The following CLSTN1 variants were observed in gnomAD, a reference collection of about 807,000 sequenced individuals.
The protein encoded by CLSTN1 is calsyntenin 1, also known as calsyntenin-1.
CLSTN1 carries 28 observed loss-of-function variants against 108.3 expected under a neutral mutation model. That is an observed-to-expected ratio of 0.26 (90% CI 0.19 to 0.35). The LOEUF is 0.35. CLSTN1 is among the 10% of genes least tolerant of loss of function. CLSTN1 has a pLI of 1.00. For missense variants in CLSTN1, 1,157 were observed against 1,302.6 expected (o/e 0.89, Z 1.72); for synonymous variants, 524 against 534.9 (o/e 0.98, Z 0.28).
At chr1:9,766,896 G>A (rs1652363795) in intron 2 of CLSTN1, among the ~76,000 whole-genome samples, 2 of 152,204 alleles carry the variant, frequency 1.3e-5, no homozygotes, top group South Asian at 2.1e-4. Context: ...GAGCTTCAAT[G>A]ACTAAGCTCC....
intron 1 of CLSTN1, among the ~76,000 whole-genome samples, chr1:9,812,364 G>A (rs568616774): frequency 7.2e-5 from 11 of 152,292 alleles, no homozygotes; most frequent in Admixed American, 4.6e-4. Flanking sequence ...TTCCCAAGGG[G>A]AAGGAGGAGC....
chr1:9,788,632 C>T (rs922996332), intron 1 of CLSTN1, among the ~76,000 whole-genome samples: 2 of 151,048 alleles, frequency 1.3e-5, no homozygotes, highest in Non-Finnish European at 2.9e-5. Flanking sequence ...CTTTGGGAGG[C>T]CGAGGCAGGC....
In CLSTN1 at chr1:9,731,213, G is replaced by A. The variant is rs1650368134; in HGVS notation, c.2741C>T (p.Pro914Leu). 1 of 1,614,108 alleles carries A rather than the reference G, an allele frequency of 6.2e-7. No individual in the cohort carries two copies. The highest frequency in any genetic ancestry group is 1.3e-5 in the African/African-American group (1 of 74,954). ...DDSALTITVN[P>L]METYEDQHSS... Reference sequence around the variant, plus strand: ...TCGCCCGCCCACTCCTACCTCCATGGGGTTGACGGTGATGGTCAGGGCAGA... The same window carrying A: ...TCGCCCGCCCACTCCTACCTCCATGAGGTTGACGGTGATGGTCAGGGCAGA... The change falls in exon 18 of 19, where the codon CCC (proline) becomes CTC (leucine). Residue 914 changes from proline to leucine, a missense_variant. Physicochemically the swap from Pro to Leu is moderately conservative, Grantham distance 98. Coordinates refer to ENST00000377298, the MANE Select transcript of CLSTN1 (RefSeq NM_001009566.3).
intron 1 of CLSTN1, among the ~76,000 whole-genome samples, chr1:9,816,188 G>T (rs556121605): frequency 6.6e-6 from 1 of 152,076 alleles, no homozygotes; most frequent in South Asian, 2.1e-4. Flanking sequence ...GAAAAGAAAC[G>T]AAGTCCTGAT....
chr1:9,772,993 C>T (rs568701801), intron 2 of CLSTN1, among the ~76,000 whole-genome samples: 1 of 152,170 alleles, frequency 6.6e-6, no homozygotes, highest in Non-Finnish European at 1.5e-5. Context: ...ACCCTAGAGC[C>T]AGGGATGCAC....
intron 1 of CLSTN1, among the ~76,000 whole-genome samples, chr1:9,786,012 CA>C (rs764875685): frequency 4.6e-5 from 7 of 151,710 alleles, no homozygotes; most frequent in African/African-American, 1.7e-4. Flanking sequence ...CCTGTCTCTA[CA>C]AAAAATAGGA....
intron 2 of CLSTN1, among the ~76,000 whole-genome samples, chr1:9,762,740 T>G (rs1652142883): frequency 6.7e-6 from 1 of 149,922 alleles, no homozygotes; most frequent in Non-Finnish European, 1.5e-5. Flanking sequence ...AACGGCTGGG[T>G]GTCCGGGCTG....
chr1:9,737,717 T>C (rs1287851803), intron 10 of CLSTN1, among the ~76,000 whole-genome samples, 163 bp from the exon 11 acceptor site: 1 of 152,168 alleles, frequency 6.6e-6, no homozygotes, highest in Non-Finnish European at 1.5e-5. Flanking sequence ...AAGCTTGTAT[T>C]TAATCACCTT....
At chr1:9,735,395 G>C (rs1017143229) in intron 13 of CLSTN1, 72 bp downstream of exon 13, 1 of 1,594,084 alleles carries the variant, frequency 6.3e-7, no homozygotes, top group African/African-American at 1.3e-5. Flanking sequence ...GAAGGGGTTA[G>C]GCTGTCTTAA....
intron 4 of CLSTN1, among the ~76,000 whole-genome samples, chr1:9,754,449 C>T (rs564390561): frequency 1.1e-3 from 173 of 152,018 alleles, no homozygotes; most frequent in Non-Finnish European, 1.9e-3. Flanking sequence ...ATCCCAGCTA[C>T]TCGGGAGGCT....
intron 2 of CLSTN1, among the ~76,000 whole-genome samples, chr1:9,757,557 C>A (rs1478789264): frequency 6.6e-6 from 1 of 152,106 alleles, no homozygotes; most frequent in African/African-American, 2.4e-5. Flanking sequence ...AAGGTTTTAA[C>A]CCTTTGTTCT....
At chr1:9,782,455 A>C (rs1268273126) in intron 1 of CLSTN1, among the ~76,000 whole-genome samples, 5 of 152,208 alleles carry the variant, frequency 3.3e-5, no homozygotes, top group South Asian at 2.1e-4. Flanking sequence ...TCAAAAAAAA[A>C]CTAAACTTTG....
chr1:9,792,496 A>G (rs572246233), intron 1 of CLSTN1, among the ~76,000 whole-genome samples: 1 of 151,450 alleles, frequency 6.6e-6, no homozygotes, highest in South Asian at 2.2e-4. Context: ...CTCTTAAAAC[A>G]CTTAGGAAAT....
At chr1:9,822,064 C>T (rs1325375927) in intron 1 of CLSTN1, among the ~76,000 whole-genome samples, 5 of 152,222 alleles carry the variant, frequency 3.3e-5, no homozygotes, top group African/African-American at 1.2e-4. Flanking sequence ...AATGGTATCA[C>T]TGACTAAATA....
chr1:9,780,147 A>G (rs1653172691), intron 1 of CLSTN1, among the ~76,000 whole-genome samples: 1 of 152,224 alleles, frequency 6.6e-6, no homozygotes, highest in South Asian at 2.1e-4. Flanking sequence ...GAGCCACGGC[A>G]TCCGGCCTCC....
intron 1 of CLSTN1, among the ~76,000 whole-genome samples, chr1:9,800,231 A>G: frequency 6.6e-6 from 1 of 152,120 alleles, no homozygotes. Flanking sequence ...AAAAACTGAA[A>G]CAAAAATCAA....
intron 1 of CLSTN1, among the ~76,000 whole-genome samples, chr1:9,807,406 T>C (rs1398146214): frequency 6.6e-6 from 1 of 152,206 alleles, no homozygotes; most frequent in Non-Finnish European, 1.5e-5. Context: ...TGATACATGA[T>C]ACATCCCACT....
intron 5 of CLSTN1, among the ~76,000 whole-genome samples, chr1:9,751,185 A>G (rs1173058598): frequency 1.3e-5 from 2 of 152,220 alleles, no homozygotes; most frequent in Admixed American, 6.5e-5. Context: ...AGATTAAAAA[A>G]ACAAAGCCAT....
intron 1 of CLSTN1, among the ~76,000 whole-genome samples, chr1:9,810,592 T>C (rs951645021): frequency 1.3e-5 from 2 of 151,626 alleles, no homozygotes; most frequent in Non-Finnish European, 2.9e-5. Context: ...CTGGCCAACA[T>C]GGTGAAACCC....
Sources: gnomAD v4.1 joint callset for allele counts (sites outside exome capture counted in the v4.1 genomes callset) on GRCh38, gnomAD v4.1.1 for gene constraint, MANE v1.5 for transcripts, NCBI Gene and HGNC (gene_info 2026-07-23, HGNC 2026-07-21) for gene names.